Variants in FBXL17 observed in about 807,000 individuals in gnomAD.
FBXL17 encodes F-box and leucine rich repeat protein 17.
A neutral mutation model predicts 66.2 loss-of-function variants in FBXL17; 22 were observed. The observed-to-expected ratio is 0.33, with a 90% CI of 0.24 to 0.47. The LOEUF is 0.47. Ranked by LOEUF, FBXL17 falls within the 20% of genes least tolerant of loss-of-function variation. The probability of loss-of-function intolerance (pLI) is 1.00; values close to 1 mark genes in which losing one functional copy is unlikely to be tolerated. For synonymous variants in FBXL17, 474 were observed against 400.5 expected (o/e 1.18, Z -2.19); for missense variants, 878 against 948.2 (o/e 0.93, Z 0.97).
chr5:108,308,810 T>G (rs1483157100), intron 4 of FBXL17, among the ~76,000 whole-genome samples: 1 of 152,108 alleles, frequency 6.6e-6, no homozygotes, highest in African/African-American at 2.4e-5. Context: ...TTTTAAATAA[T>G]TTTTAAATGG....
intron 7 of FBXL17, among the ~76,000 whole-genome samples, chr5:107,952,451 G>T (rs947414598): frequency 6.6e-6 from 1 of 152,178 alleles, no homozygotes; most frequent in East Asian, 1.9e-4. Flanking sequence ...GGTTAGAAAT[G>T]ATGAGTATTT....
At chr5:107,924,650 A>G (rs1750441218) in intron 7 of FBXL17, among the ~76,000 whole-genome samples, 1 of 152,120 alleles carries the variant, frequency 6.6e-6, no homozygotes, top group South Asian at 2.1e-4. Context: ...GCATCTTTAT[A>G]CTCTACAGTT....
intron 5 of FBXL17, among the ~76,000 whole-genome samples, chr5:108,192,569 C>T (rs912122679): frequency 1.3e-5 from 2 of 151,960 alleles, no homozygotes; most frequent in East Asian, 1.9e-4. Context: ...TATCGAAAGA[C>T]CTCAAATGGG....
chr5:108,176,076 A>G (rs1188419709), intron 6 of FBXL17, among the ~76,000 whole-genome samples: 5 of 152,184 alleles, frequency 3.3e-5, no homozygotes, highest in Non-Finnish European at 7.4e-5. Flanking sequence ...GAGATGGTAT[A>G]AATTTGTCCA....
intron 4 of FBXL17, among the ~76,000 whole-genome samples, chr5:108,318,435 A>G (rs1206358078): frequency 6.6e-6 from 1 of 151,868 alleles, no homozygotes; most frequent in East Asian, 1.9e-4. Context: ...AAATAATCCA[A>G]TACTGTTAAA....
At chr5:107,889,300 T>C (rs1167796476) in intron 7 of FBXL17, among the ~76,000 whole-genome samples, 2 of 152,154 alleles carry the variant, frequency 1.3e-5, no homozygotes, top group East Asian at 3.8e-4. Flanking sequence ...TTAAGTAAAT[T>C]CAGGAATAAA....
intron 4 of FBXL17, among the ~76,000 whole-genome samples, chr5:108,227,310 T>C (rs1043223205): frequency 2.6e-5 from 4 of 152,166 alleles, no homozygotes; most frequent in African/African-American, 9.6e-5. Context: ...TTTAAATGAA[T>C]GGCAGAATAA....
At chr5:108,322,889 T>C (rs1354471099) in intron 4 of FBXL17, among the ~76,000 whole-genome samples, 1 of 151,928 alleles carries the variant, frequency 6.6e-6, no homozygotes, top group Non-Finnish European at 1.5e-5. Flanking sequence ...TCTTATTAAA[T>C]GTCAATATAA....
intron 4 of FBXL17, among the ~76,000 whole-genome samples, chr5:108,269,889 AG>A (rs1193858969): frequency 6.6e-6 from 1 of 152,122 alleles, no homozygotes; most frequent in Non-Finnish European, 1.5e-5. Context: ...AATAAAACCT[AG>A]GTACTGCCCT....
At chr5:107,878,509 G>T in intron 8 of FBXL17, 1 of 776,960 alleles carries the variant, frequency 1.3e-6, no homozygotes, top group South Asian at 5.9e-5. Flanking sequence ...GTTAGTAACT[G>T]CCCGCGGTGA....
At chr5:108,353,955 C>A (rs769839394) in intron 3 of FBXL17, among the ~76,000 whole-genome samples, 1 of 152,134 alleles carries the variant, frequency 6.6e-6, no homozygotes, top group Non-Finnish European at 1.5e-5. Context: ...GGACCAGAAG[C>A]GTTTTAATTG....
At chr5:108,002,653 T>TA (rs966603157) in intron 7 of FBXL17, among the ~76,000 whole-genome samples, 6 of 151,488 alleles carry the variant, frequency 4.0e-5, no homozygotes, top group East Asian at 1.9e-4. Flanking sequence ...GGTGAAAGGA[T>TA]AAAAAAAAGT....
chr5:108,335,744 A>C (rs1180787356), intron 4 of FBXL17, among the ~76,000 whole-genome samples: 1 of 152,158 alleles, frequency 6.6e-6, no homozygotes, highest in Non-Finnish European at 1.5e-5. Context: ...TCTTAAAAAA[A>C]CCCTGTTTTT....
At chr5:108,315,871 ATGT>A (rs920840916) in intron 4 of FBXL17, among the ~76,000 whole-genome samples, 2 of 151,588 alleles carry the variant, frequency 1.3e-5, no homozygotes, top group African/African-American at 2.4e-5. Context: ...AGAACTGATA[ATGT>A]TAAGAAAAAT....
chr5:107,948,489 T>A (rs1417961862), intron 7 of FBXL17, among the ~76,000 whole-genome samples: 1 of 152,174 alleles, frequency 6.6e-6, no homozygotes, highest in African/African-American at 2.4e-5. Flanking sequence ...CTCCAGGGCC[T>A]AACCATCTCT....
intron 6 of FBXL17, among the ~76,000 whole-genome samples, chr5:108,038,268 T>C (rs1561379708): frequency 6.6e-6 from 1 of 152,128 alleles, no homozygotes; most frequent in Admixed American, 6.5e-5. Context: ...GAAATTATTA[T>C]TACATTTGTT....
intron 7 of FBXL17, among the ~76,000 whole-genome samples, chr5:107,990,017 C>T (rs1753176643): frequency 6.6e-6 from 1 of 152,202 alleles, no homozygotes; most frequent in South Asian, 2.1e-4. Context: ...AGGAGGAGTG[C>T]AGATCTGAAA....
chr5:107,897,468 T>G (rs1229816291), intron 7 of FBXL17, among the ~76,000 whole-genome samples: 1 of 152,176 alleles, frequency 6.6e-6, no homozygotes, highest in Non-Finnish European at 1.5e-5. Flanking sequence ...TTTTCTGGAC[T>G]GGATCCTTGG....
At chr5:108,168,797 T>A (rs969615511) in intron 6 of FBXL17, among the ~76,000 whole-genome samples, 3 of 152,070 alleles carry the variant, frequency 2.0e-5, no homozygotes, top group Admixed American at 2.0e-4. Context: ...CTTTACCAAC[T>A]GCAACATGTA....
Sources: allele counts gnomAD v4.1 joint callset (sites outside exome capture counted in the v4.1 genomes callset), GRCh38; gene constraint gnomAD v4.1.1; transcripts MANE v1.5; gene names NCBI Gene and HGNC (gene_info 2026-07-23, HGNC 2026-07-21).